The following KIR3DL2 variants were observed in gnomAD, a reference collection of about 807,000 sequenced individuals.
KIR3DL2 encodes the protein killer cell immunoglobulin like receptor, three Ig domains and long cytoplasmic tail 2.
In KIR3DL2, 42 loss-of-function variants were observed where a neutral mutation model predicts 41.6. That is an observed-to-expected ratio of 1.01 (90% confidence interval 0.79 to 1.31). KIR3DL2 has a LOEUF of 1.31. Ranked by LOEUF, KIR3DL2 falls within the 50% of genes most tolerant of loss-of-function variation. The pLI is 0.00. For synonymous variants in KIR3DL2, 230 were observed against 221.3 expected (o/e 1.04, Z -0.35); for missense variants, 728 against 576.8 (o/e 1.26, Z -2.68).
Position 54,853,155 on chromosome 19 carries a change from G to T in KIR3DL2, c.356-592G>T, listed in dbSNP as rs759777264. ...ATTAAAGAAACCAAACAAGGAGAAG[G>T]TTGGCTACCGTGGGATCAGCAAGGG... On this transcript the variant is annotated intron_variant, in intron 3 of 8. Coordinates refer to ENST00000326321, the MANE Select transcript of KIR3DL2 (RefSeq NM_006737.4). 7.3e-4 allele frequency among the ~76,000 whole-genome samples: 110 copies of T among 151,620 alleles called. 2 individuals carry two copies. Among genetic ancestry groups the T allele is most frequent in the Non-Finnish European group, 1.4e-3 (96 of 67,952 alleles).
intron 6 of KIR3DL2, among the ~76,000 whole-genome samples, chr19:54,862,902 T>A (rs901179588): frequency 7.0e-6 from 1 of 142,952 alleles, no homozygotes; most frequent in Non-Finnish European, 1.5e-5. Flanking sequence ...ATGTGCACAA[T>A]GTGCAGGTTA....
intron 6 of KIR3DL2, among the ~76,000 whole-genome samples, chr19:54,860,109 A>G (rs896654594): frequency 1.7e-4 from 26 of 152,212 alleles, no homozygotes; most frequent in African/African-American, 6.0e-4. Context: ...AGCAACCATA[A>G]TTCCATCTGC....
chr19:54,855,694 G>A lies in KIR3DL2; in HGVS notation c.731G>A (p.Cys244Tyr). 2 of 1,613,556 alleles carry A rather than the reference G, an allele frequency of 1.2e-6. No homozygotes were observed. The highest frequency in any genetic ancestry group is 1.7e-6 in the Non-Finnish European group (2 of 1,179,962). ...VQAGENVTLS[C>Y]SSWSSYDIYH... ...GCAGGAGAGAACGTGACCTTGTCCT[G>A]TAGCTCCTGGAGCTCCTATGACATC... The change falls in exon 5 of 9, where the codon TGT becomes TAT. Residue 244 changes from cysteine to tyrosine, a missense_variant. Coordinates refer to ENST00000326321, the MANE Select transcript of KIR3DL2 (RefSeq NM_006737.4).
At position 54,865,845 on chromosome 19, in the gene KIR3DL2, G is replaced by T. The variant is rs1193110994; in HGVS notation, c.1041G>T (p.Val347=). 2.5e-6 allele frequency: 4 copies of T among 1,613,746 alleles called. No individual in the cohort carries two copies. The Admixed American group carries it at 6.7e-5, about 27-fold the overall frequency. ...TGCATGTTCTGATTGGGACCTCAGT[G>T]GTCATCTTCCTCTTCATCCTCCTCC... ...RHLHVLIGTS[V]VIFLFILLLF... is the part of the protein sequence containing the mutation. The change falls in exon 7 of 9, where the codon GTG becomes GTT. Residue 347 remains valine, a synonymous_variant. Coordinates refer to ENST00000326321, the MANE Select transcript of KIR3DL2 (RefSeq NM_006737.4).
At chr19:54,852,583 T>TCCTCCATATCTGTG (rs2064372456) in intron 3 of KIR3DL2, among the ~76,000 whole-genome samples, 11 of 150,626 alleles carry the variant, frequency 7.3e-5, no homozygotes, top group Non-Finnish European at 8.9e-5. Flanking sequence ...ACTGTCCTGC[T>TCCTCCATATCTGTG]GGGCTCAGTG....
intron 5 of KIR3DL2, among the ~76,000 whole-genome samples, chr19:54,858,242 A>G (rs1371201149): frequency 6.7e-6 from 1 of 150,074 alleles, no homozygotes; most frequent in African/African-American, 2.5e-5. Flanking sequence ...TGTCTTCCCC[A>G]TTATTTTCTT....
intron 7 of KIR3DL2, 40 bp from the exon 8 acceptor site, chr19:54,866,330 G>C: frequency 6.2e-7 from 1 of 1,611,840 alleles, no homozygotes; most frequent in Non-Finnish European, 8.5e-7. Context: ...GGACCCAGAA[G>C]GGCCCTCCAA....
chr19:54,858,882 C>T lies in KIR3DL2; in HGVS notation c.950-197C>T, dbSNP rs369915358. ...TATTTCTAAGTCAGGTAGTGTGATG[C>T]TCCTGTTTTCTCTTTATACCTTCAA... is the stretch of plus-strand genomic sequence containing the variant. On this transcript the variant is annotated intron_variant, in intron 5 of 8. Transcript: ENST00000326321. 6.6e-5 allele frequency among the ~76,000 whole-genome samples: 10 copies of T among 151,962 alleles called. No homozygotes were observed. In the South Asian group the frequency reaches 2.1e-3, roughly 31 times the overall value.
chr19:54,854,965 T>C (rs1414458890), intron 4 of KIR3DL2, among the ~76,000 whole-genome samples: 1 of 151,222 alleles, frequency 6.6e-6, no homozygotes, highest in Non-Finnish European at 1.5e-5. Flanking sequence ...TAGATATAGA[T>C]AGATGATAAA....
Position 54,854,315 on chromosome 19 carries a change from C to A in KIR3DL2, c.655+269C>A, listed in dbSNP as rs1361614195. Among the ~76,000 whole-genome samples, 43 of 151,704 alleles carry A rather than the reference C, an allele frequency of 2.8e-4. 1 individual carries two copies. Among genetic ancestry groups the A allele is most frequent in the Non-Finnish European group, 1.5e-4 (10 of 68,000 alleles). ...AGACACTCAGACAGACAGACATGTG[C>A]CAGAGAGAAGTGTCCTTCCATGCTG... is the stretch of plus-strand genomic sequence containing the variant. On this transcript the variant is annotated intron_variant, in intron 4 of 8. Transcript: ENST00000326321.
In KIR3DL2 at chr19:54,852,102, A is replaced by G. The variant is rs1312440764; in HGVS notation, c.175A>G (p.Met59Val). ...CTATCGTCGTGGGTTTAACAATTTC[A>G]TGCTGTACAAAGAAGACAGAAGCCA... ...CHYRRGFNNF[M>V]LYKEDRSHVP... Residue 59 changes from methionine to valine, a missense_variant, in exon 3 of 9, where the codon ATG (methionine) becomes GTG (valine). Physicochemically the swap from Met to Val is conservative, Grantham distance 21. Coordinates refer to ENST00000326321, the MANE Select transcript of KIR3DL2 (RefSeq NM_006737.4). 1.9e-6 allele frequency: 3 copies of G among 1,612,752 alleles called. No homozygotes were observed. Among genetic ancestry groups the G allele is most frequent in the Admixed American group, 3.3e-5 (2 of 59,978 alleles).
At chr19:54,866,226 G>C in intron 7 of KIR3DL2, 144 bp from the exon 8 acceptor site, 3 of 820,644 alleles carry the variant, frequency 3.7e-6, no homozygotes, top group Admixed American at 2.4e-5. Flanking sequence ...CTTGAACTCA[G>C]AGAGATAGAA....
chr19:54,863,716 T>C lies in KIR3DL2; in HGVS notation c.1001-2089T>C, dbSNP rs1462070371. Among the ~76,000 whole-genome samples the C allele has an allele frequency of 2.0e-5, 3 of 152,066 alleles. No homozygotes were observed. In the East Asian group the frequency reaches 5.8e-4, roughly 29 times the overall value. On this transcript the variant is annotated intron_variant, in intron 6 of 8. Coordinates refer to ENST00000326321, the MANE Select transcript of KIR3DL2 (RefSeq NM_006737.4). Reference sequence around the variant, plus strand: ...TTTGATAGGATTGTTTGTTTTTTTCTTGTAAATTTGTTTGAGTTCATTGTA... The same window carrying C: ...TTTGATAGGATTGTTTGTTTTTTTCCTGTAAATTTGTTTGAGTTCATTGTA...
At chr19:54,856,382 T>A (rs1274196372) in intron 5 of KIR3DL2, among the ~76,000 whole-genome samples, 2 of 151,828 alleles carry the variant, frequency 1.3e-5, no homozygotes, top group African/African-American at 2.4e-5. Context: ...AATCTAGTGG[T>A]CATAAATACC....
chr19:54,862,745 G>T (rs1427883358), intron 6 of KIR3DL2, among the ~76,000 whole-genome samples: 5 of 149,648 alleles, frequency 3.3e-5, no homozygotes, highest in South Asian at 2.1e-4. Context: ...ATCTCAGGAC[G>T]TTGCTGTCTT....
chr19:54,853,943 C>T lies in KIR3DL2; in HGVS notation c.552C>T (p.Pro184=). ...GVSKANFSIG[P]LMPVLAGTYR... is the part of the protein sequence containing the mutation. ...CCAAGGCCAACTTCTCCATCGGTCC[C>T]TTGATGCCTGTCCTTGCAGGAACCT... Residue 184 remains proline (P), a synonymous_variant, in exon 4 of 9, where the codon CCC becomes CCT. Coordinates refer to ENST00000326321, the MANE Select transcript of KIR3DL2 (RefSeq NM_006737.4). 1 of 1,613,454 alleles carries T rather than the reference C, an allele frequency of 6.2e-7. No homozygotes were observed. Among genetic ancestry groups the T allele is most frequent in the Non-Finnish European group, 8.5e-7 (1 of 1,179,878 alleles).
intron 6 of KIR3DL2, 45 bp downstream of exon 6, chr19:54,859,174 A>G: frequency 1.3e-6 from 2 of 1,560,846 alleles, no homozygotes; most frequent in Non-Finnish European, 1.8e-6. Flanking sequence ...AAACCTGGGG[A>G]GGTGGAAGCC....
chr19:54,866,810 ATC>A lies in KIR3DL2; in HGVS notation c.*81_*82del. ...CTGGAATCTGAAGGCATCAGTCTGC[ATC>A]TTAGGGGATCGCTCTTCCTCACACC... On this transcript the variant is annotated 3_prime_UTR_variant, in exon 9 of 9. Transcript: ENST00000326321. The A allele has an allele frequency of 7.0e-7, 1 of 1,437,526 alleles. No homozygotes were observed. The highest frequency in any genetic ancestry group is 9.7e-7 in the Non-Finnish European group (1 of 1,031,164). The allele number at this position is 1,437,526 out of a possible 1,614,324, so 89.0% of individuals were successfully genotyped here.
rs1269554173 is a variant in KIR3DL2, at chr19:54,853,791, C to G, written c.400C>G (p.Leu134Val). ...PSLLAHPGPL[L>V]KSGETVILQC... ...CCTCCTGGCCCACCCAGGGCCCCTG[C>G]TGAAATCAGGAGAGACAGTCATCCT... The change falls in exon 4 of 9, where the codon CTG becomes GTG. Residue 134 changes from leucine (L) to valine (V), a missense_variant. Coordinates refer to ENST00000326321, the MANE Select transcript of KIR3DL2 (RefSeq NM_006737.4). 11 of 1,611,660 alleles carry G rather than the reference C, an allele frequency of 6.8e-6. 2 individuals carry two copies. Among genetic ancestry groups the G allele is most frequent in the South Asian group, 5.5e-5 (5 of 91,070 alleles).
Sources: allele counts gnomAD v4.1 joint callset (sites outside exome capture counted in the v4.1 genomes callset), GRCh38; gene constraint gnomAD v4.1.1; transcripts MANE v1.5; gene names NCBI Gene and HGNC (gene_info 2026-07-23, HGNC 2026-07-21).